CREB3L1: variants seen among roughly 807,000 people sequenced by gnomAD.
CREB3L1 encodes cAMP responsive element binding protein 3 like 1.
A neutral mutation model predicts 54.5 loss-of-function variants in CREB3L1; 33 were observed. The observed-to-expected ratio is 0.61, with a 90% CI of 0.46 to 0.81. The LOEUF is 0.81. Ranked by LOEUF, CREB3L1 falls within the 30% of genes least tolerant of loss-of-function variation. The probability of loss-of-function intolerance (pLI) is 0.00; values close to 1 mark genes in which losing one functional copy is unlikely to be tolerated. For synonymous variants in CREB3L1, 284 were observed against 286.4 expected, an observed-to-expected ratio of 0.99 and a Z score of 0.08; for missense variants, 656 against 673.3, an observed-to-expected ratio of 0.97 and a Z score of 0.29.
chr11:46,300,741 C>T (rs561914542), intron 2 of CREB3L1, among the ~76,000 whole-genome samples: 19 of 150,884 alleles, frequency 1.3e-4, no homozygotes, highest in African/African-American at 4.6e-4. Context: ...CGCGGTGGCT[C>T]ACGCCTGTAA....
intron 1 of CREB3L1, among the ~76,000 whole-genome samples, chr11:46,282,386 C>A (rs545301406): frequency 1.9e-4 from 29 of 152,300 alleles, no homozygotes; most frequent in African/African-American, 7.0e-4. Flanking sequence ...AGCTGGCTGA[C>A]CCACAGGGGA....
chr11:46,280,584 T>C (rs1248088314), intron 1 of CREB3L1, among the ~76,000 whole-genome samples: 1 of 152,114 alleles, frequency 6.6e-6, no homozygotes, highest in Admixed American at 6.5e-5. Flanking sequence ...CGAGAGAAAA[T>C]TAAAGTGAAG....
At position 46,320,166 on chromosome 11, in the gene CREB3L1, C is replaced by CT. The variant is rs576593296; in HGVS notation, c.1259-98_1259-97insT. 4.1e-5 allele frequency: 56 copies of CT among 1,351,350 alleles called. No homozygotes were observed. In the African/African-American group the frequency reaches 7.8e-4, roughly 19 times the overall value. 83.7% of individuals were successfully genotyped at this position (1,351,350 alleles called of 1,614,324 possible). On this transcript the variant is annotated intron_variant, in intron 10 of 11. Transcript: ENST00000621158. ...TCCGGGAAGTGTCAGAGCTGGGACT[C>CT]AGATCCAGGGCCTGCGTCCTTAACC...
At chr11:46,310,279 G>T (rs910224351) in intron 4 of CREB3L1, among the ~76,000 whole-genome samples, 9 of 151,608 alleles carry the variant, frequency 5.9e-5, no homozygotes, top group Non-Finnish European at 1.2e-4. Flanking sequence ...TTGTTTGTTT[G>T]TTTTTTGAGA....
chr11:46,306,503 CAATAAAA>C (rs1432879375), intron 2 of CREB3L1, among the ~76,000 whole-genome samples: 2 of 136,434 alleles, frequency 1.5e-5, no homozygotes, highest in African/African-American at 5.6e-5. Context: ...GATCCTGTCT[CAATAAAA>C]AAAAAAAAAA....
At chr11:46,298,451 A>C (rs1407704172) in intron 1 of CREB3L1, among the ~76,000 whole-genome samples, 1 of 152,230 alleles carries the variant, frequency 6.6e-6, no homozygotes, top group Non-Finnish European at 1.5e-5. Flanking sequence ...TAATCCCAGC[A>C]CTTTGGAAGG....
intron 1 of CREB3L1, among the ~76,000 whole-genome samples, chr11:46,282,207 G>A (rs1938988338): frequency 6.6e-6 from 1 of 152,156 alleles, no homozygotes; most frequent in Non-Finnish European, 1.5e-5. Flanking sequence ...TTAGAGAAGA[G>A]GGAAAAGTGT....
In CREB3L1 at chr11:46,320,479, A is replaced by G; in HGVS notation, c.1474A>G (p.Asn492Asp). The G allele has an allele frequency of 6.3e-7, 1 of 1,597,856 alleles. No homozygotes were observed. Among genetic ancestry groups the G allele is most frequent in the Non-Finnish European group, 8.5e-7 (1 of 1,172,416 alleles). ...TGAGGCCTGGCCTAAAGACGGTGGA[A>G]ACGGCACCAGCCCCGACTTCTCCCA... ...LSEAWPKDGG[N>D]GTSPDFSHSK... Residue 492 changes from asparagine (N) to aspartate (D), a missense_variant, in exon 11 of 12, where the codon AAC (asparagine) becomes GAC (aspartate). This residue lies in a region of CREB3L1 where 240 missense variants were observed against 219.8 expected (regional missense o/e 1.09). Coordinates refer to ENST00000621158, the MANE Select transcript of CREB3L1 (RefSeq NM_052854.4).
chr11:46,293,695 G>T (rs973262153), intron 1 of CREB3L1, among the ~76,000 whole-genome samples: 4 of 152,184 alleles, frequency 2.6e-5, no homozygotes, highest in Non-Finnish European at 5.9e-5. Flanking sequence ...GCAAGCCCGG[G>T]GCTCCCAAAT....
chr11:46,296,821 T>G (rs1193197381), intron 1 of CREB3L1, among the ~76,000 whole-genome samples: 3 of 152,184 alleles, frequency 2.0e-5, no homozygotes, highest in African/African-American at 4.8e-5. Flanking sequence ...TGCTGGGTTT[T>G]GGCTGCTGTT....
intron 8 of CREB3L1, chr11:46,316,015 G>T: frequency 2.5e-6 from 1 of 392,716 alleles, no homozygotes; most frequent in South Asian, 4.2e-5. Context: ...GCAGCTGGGG[G>T]CAGGCCTTCC....
At chr11:46,309,517 C>A (rs1485520529) in intron 3 of CREB3L1, among the ~76,000 whole-genome samples, 1 of 152,218 alleles carries the variant, frequency 6.6e-6, no homozygotes, top group Admixed American at 6.5e-5. Flanking sequence ...TGTCTAGATT[C>A]TACTTCTATT....
chr11:46,301,919 C>G (rs927223355), intron 2 of CREB3L1, among the ~76,000 whole-genome samples: 3 of 152,012 alleles, frequency 2.0e-5, no homozygotes, highest in African/African-American at 7.2e-5. Context: ...CCACTGCACT[C>G]CAGCCTGGGT....
At chr11:46,320,118 T>G in intron 10 of CREB3L1, 146 bp from the exon 11 acceptor site, 1 of 883,366 alleles carries the variant, frequency 1.1e-6, no homozygotes, top group South Asian at 1.9e-5. Flanking sequence ...AAGCAAAGTG[T>G]GTGGCTTACC....
At chr11:46,282,627 T>C (rs1032737077) in intron 1 of CREB3L1, among the ~76,000 whole-genome samples, 3 of 152,196 alleles carry the variant, frequency 2.0e-5, no homozygotes, top group African/African-American at 4.8e-5. Context: ...AAATATTGCC[T>C]CCTTAGGGAA....
intron 8 of CREB3L1, among the ~76,000 whole-genome samples, chr11:46,314,565 G>T (rs1350604395): frequency 3.9e-5 from 6 of 151,968 alleles, no homozygotes; most frequent in Non-Finnish European, 7.4e-5. Flanking sequence ...TTGTAGAGAC[G>T]TGGTCTTGCT....
chr11:46,296,419 G>C (rs1939211875), intron 1 of CREB3L1, among the ~76,000 whole-genome samples: 1 of 152,076 alleles, frequency 6.6e-6, no homozygotes, highest in Non-Finnish European at 1.5e-5. Flanking sequence ...TGTGCGTCCT[G>C]GGTAGCTGTG....
intron 1 of CREB3L1, among the ~76,000 whole-genome samples, chr11:46,294,394 A>T (rs1437741281): frequency 6.6e-6 from 1 of 152,148 alleles, no homozygotes; most frequent in Admixed American, 6.5e-5. Context: ...AGGGCAGAGG[A>T]AAAAGGCCCA....
At chr11:46,285,269 G>T (rs1049822490) in intron 1 of CREB3L1, among the ~76,000 whole-genome samples, 1 of 152,200 alleles carries the variant, frequency 6.6e-6, no homozygotes, top group Non-Finnish European at 1.5e-5. Context: ...TCCAGATGCT[G>T]GAGAACAGGC....
Sources: allele counts gnomAD v4.1 joint callset (sites outside exome capture counted in the v4.1 genomes callset), GRCh38; gene constraint gnomAD v4.1.1; regional missense constraint gnomAD v4.1.1; transcripts MANE v1.5; gene names NCBI Gene and HGNC (gene_info 2026-07-23, HGNC 2026-07-21).